GAS2: variants seen among roughly 807,000 people sequenced by gnomAD.
GAS2 encodes the protein growth arrest specific 2.
In GAS2, 20 loss-of-function variants were observed where a neutral mutation model predicts 37.5. The observed-to-expected ratio is 0.53, with a 90% CI of 0.37 to 0.77. The LOEUF (loss-of-function observed/expected upper bound fraction) is 0.77, where lower values mean the gene tolerates loss of function less well. Ranked by LOEUF, GAS2 falls within the 30% of genes least tolerant of loss-of-function variation. The probability of loss-of-function intolerance (pLI) is 0.00; values close to 1 mark genes in which losing one functional copy is unlikely to be tolerated. For missense variants in GAS2, 336 were observed against 373.4 expected, an observed-to-expected ratio of 0.90 and a Z score of 0.82; for synonymous variants, 144 against 132.2, an observed-to-expected ratio of 1.09 and a Z score of -0.61.
chr11:22,694,336 G>A (rs371012630), intron 3 of GAS2, among the ~76,000 whole-genome samples: 33 of 152,208 alleles, frequency 2.2e-4, no homozygotes, highest in Middle Eastern at 6.8e-3. Flanking sequence ...TGGAAATTAA[G>A]TGCCAACGTG....
chr11:22,693,991 A>G (rs1850375309), intron 3 of GAS2, among the ~76,000 whole-genome samples: 1 of 152,298 alleles, frequency 6.6e-6, no homozygotes, highest in African/African-American at 2.4e-5. Flanking sequence ...ACAGGGGAAC[A>G]ACACACACTG....
intron 7 of GAS2, among the ~76,000 whole-genome samples, chr11:22,803,911 A>T (rs1337459847): frequency 6.6e-6 from 1 of 152,134 alleles, no homozygotes; most frequent in South Asian, 2.1e-4. Flanking sequence ...GGGTTCACTT[A>T]TCTGGGGAAG....
chr11:22,628,350 A>T (rs1467830095), intron 1 of GAS2, among the ~76,000 whole-genome samples: 2 of 152,202 alleles, frequency 1.3e-5, no homozygotes, highest in African/African-American at 4.8e-5. Context: ...GTGTTTGAAC[A>T]ATCATGGGAC....
intron 7 of GAS2, among the ~76,000 whole-genome samples, chr11:22,775,601 C>G (rs1412000490): frequency 6.6e-6 from 1 of 151,744 alleles, no homozygotes; most frequent in Non-Finnish European, 1.5e-5. Context: ...CTCACAGAAA[C>G]TAAAAGAGAA....
At position 22,644,858 on chromosome 11, in the gene GAS2, A is replaced by G. The variant is rs1848670855; in HGVS notation, c.-21+19045A>G. On this transcript the variant is annotated intron_variant, in intron 1 of 5. Coordinates refer to the GAS2 transcript ENST00000528582. ...GGCTACTCTTGAACCCCTGGACTCAAAGTGATCTGCCTGCCTAAGCCTCCC... is the reference window on the plus strand; with the variant it reads ...GGCTACTCTTGAACCCCTGGACTCAGAGTGATCTGCCTGCCTAAGCCTCCC... Among the ~76,000 whole-genome samples the G allele has an allele frequency of 2.6e-5, 4 of 152,134 alleles. No individual in the cohort carries two copies. The South Asian group carries it at 6.2e-4, about 24-fold the overall frequency.
chr11:22,790,590 A>AT (rs58284244), intron 7 of GAS2, among the ~76,000 whole-genome samples: 9,844 of 111,784 alleles, frequency 0.088, 868 homozygotes, highest in African/African-American at 0.22. Context: ...CTTCTTCTCT[A>AT]TTTTTTTTTT....
chr11:22,791,871 T>A (rs1159404860), intron 7 of GAS2, among the ~76,000 whole-genome samples: 1 of 152,192 alleles, frequency 6.6e-6, no homozygotes, highest in African/African-American at 2.4e-5. Context: ...CTGAGCTGAA[T>A]TGAAAACAAT....
At chr11:22,720,191 A>G (rs990895835) in intron 3 of GAS2, among the ~76,000 whole-genome samples, 23 of 152,156 alleles carry the variant, frequency 1.5e-4, no homozygotes, top group African/African-American at 5.1e-4. Context: ...GAATATTCCT[A>G]TGGCATTACA....
intron 1 of GAS2, among the ~76,000 whole-genome samples, chr11:22,658,952 A>C (rs1848885914): frequency 6.6e-6 from 1 of 152,228 alleles, no homozygotes; most frequent in South Asian, 2.1e-4. Flanking sequence ...GCATAGTTGC[A>C]TCATGTTAGT....
intron 5 of GAS2, among the ~76,000 whole-genome samples, chr11:22,741,193 T>C (rs1284334960): frequency 1.3e-5 from 2 of 152,178 alleles, no homozygotes; most frequent in Non-Finnish European, 2.9e-5. Flanking sequence ...TTTGTTCTCA[T>C]GGGTAAAACT....
intron 3 of GAS2, among the ~76,000 whole-genome samples, chr11:22,699,230 G>A (rs922623206): frequency 6.6e-6 from 1 of 152,140 alleles, no homozygotes; most frequent in Non-Finnish European, 1.5e-5. Context: ...TGAGATAAAT[G>A]TACAGAATGA....
chr11:22,761,523 C>G (rs1162982655), intron 7 of GAS2, among the ~76,000 whole-genome samples: 1 of 152,120 alleles, frequency 6.6e-6, no homozygotes, highest in East Asian at 1.9e-4. Flanking sequence ...TGCAATTTAT[C>G]ACTACCCTAA....
intron 4 of GAS2, chr11:22,731,250 A>G: frequency 2.6e-6 from 1 of 382,942 alleles, no homozygotes; most frequent in Non-Finnish European, 5.2e-6. Context: ...GAAAAAAGGG[A>G]TGGGGAAGTA....
chr11:22,770,381 G>C (rs1854916118), intron 7 of GAS2, among the ~76,000 whole-genome samples: 1 of 152,176 alleles, frequency 6.6e-6, no homozygotes, highest in Admixed American at 6.5e-5. Context: ...GTAGGGCCTA[G>C]ACAGGAAGCA....
At chr11:22,699,329 T>C (rs1327216771) in intron 3 of GAS2, among the ~76,000 whole-genome samples, 2 of 152,200 alleles carry the variant, frequency 1.3e-5, no homozygotes, top group Non-Finnish European at 2.9e-5. Context: ...AACTCTTTAC[T>C]ATGCATTCAG....
chr11:22,649,365 G>A lies in GAS2; in HGVS notation c.-21+23552G>A, dbSNP rs568573228. Among the ~76,000 whole-genome samples the A allele has an allele frequency of 2.8e-3, 428 of 151,978 alleles. 2 individuals are homozygous for A. The highest frequency in any genetic ancestry group is 9.2e-3 in the African/African-American group (382 of 41,436). On this transcript the variant is annotated intron_variant, in intron 1 of 5. Transcript: ENST00000528582. ...TGCATCAATGTTCATCAAGGATATT[G>A]GTCTAAAATTCTCTTTTTTGGTTGT...
chr11:22,637,634 T>C (rs1413826046), intron 1 of GAS2, among the ~76,000 whole-genome samples: 1 of 133,784 alleles, frequency 7.5e-6, no homozygotes, highest in African/African-American at 2.8e-5. Flanking sequence ...ATATTTAATA[T>C]AAATATTTAT....
intron 1 of GAS2, among the ~76,000 whole-genome samples, chr11:22,639,334 C>A (rs1251616113): frequency 6.6e-6 from 1 of 152,200 alleles, no homozygotes; most frequent in Non-Finnish European, 1.5e-5. Context: ...TCCTCTCTCT[C>A]TTGCTGTCTT....
At chr11:22,630,232 G>A (rs955599811) in intron 1 of GAS2, among the ~76,000 whole-genome samples, 2 of 152,082 alleles carry the variant, frequency 1.3e-5, no homozygotes, top group African/African-American at 4.8e-5. Flanking sequence ...GGTGTGTGAT[G>A]TTCCCCTTCC....
Sources: gnomAD v4.1 joint callset for allele counts (sites outside exome capture counted in the v4.1 genomes callset) on GRCh38, gnomAD v4.1.1 for gene constraint, MANE v1.5 for transcripts, NCBI Gene and HGNC (gene_info 2026-07-23, HGNC 2026-07-21) for gene names.